The following PDE1C variants were observed in gnomAD, a reference collection of about 807,000 sequenced individuals.
PDE1C encodes the protein phosphodiesterase 1C.
Under a neutral mutation model 93.1 loss-of-function variants are expected in PDE1C, and 62 were observed. The ratio of observed to expected loss-of-function variants is 0.67; its 90% confidence interval spans 0.54 to 0.82. The LOEUF (loss-of-function observed/expected upper bound fraction) is 0.82, where lower values mean the gene tolerates loss of function less well. PDE1C is among the 40% of genes least tolerant of loss of function. PDE1C has a pLI of 0.00. For synonymous variants in PDE1C, 325 were observed against 310.1 expected, an observed-to-expected ratio of 1.05 and a Z score of -0.50; for missense variants, 742 against 884.6, an observed-to-expected ratio of 0.84 and a Z score of 2.04.
intron 2 of PDE1C, among the ~76,000 whole-genome samples, chr7:31,970,172 A>G (rs573864888): frequency 2.6e-5 from 4 of 152,316 alleles, no homozygotes; most frequent in Admixed American, 1.3e-4. Flanking sequence ...AAAAGAAAAA[A>G]GTGTCTAGAG....
intron 3 of PDE1C, among the ~76,000 whole-genome samples, chr7:32,090,013 A>G (rs1237333918): frequency 1.3e-5 from 2 of 152,104 alleles, no homozygotes; most frequent in Non-Finnish European, 2.9e-5. Context: ...TATTCCTTTT[A>G]TCTAGTTTTT....
At chr7:31,918,605 C>T (rs1802221996) in intron 2 of PDE1C, among the ~76,000 whole-genome samples, 2 of 152,210 alleles carry the variant, frequency 1.3e-5, no homozygotes, top group Admixed American at 6.5e-5. Flanking sequence ...ATGAGCTTCC[C>T]TCTTGCTGCA....
chr7:32,399,757 T>C (rs1784908091), intron 1 of PDE1C, among the ~76,000 whole-genome samples: 1 of 150,712 alleles, frequency 6.6e-6, no homozygotes, highest in East Asian at 1.9e-4. Flanking sequence ...TAATCTTTTG[T>C]ATTTTTAGTA....
Position 31,952,462 on chromosome 7 carries a change from C to T in PDE1C, c.129-71602G>A, listed in dbSNP as rs139958594. ...ACAGGATTTCACCATGTTGCCCAGG[C>T]TGGTCTCGAACTCCTGGCCTCAAGC... On this transcript the variant is annotated intron_variant, in intron 2 of 17. Transcript: ENST00000396191. Among the ~76,000 whole-genome samples, 1,204 of 152,218 alleles carry T rather than the reference C, an allele frequency of 7.9e-3. 9 individuals are homozygous for T. Among genetic ancestry groups the T allele is most frequent in the African/African-American group, 0.027 (1,139 of 41,524 alleles).
chr7:32,270,338 T>C (rs1810877565), intron 1 of PDE1C, among the ~76,000 whole-genome samples: 1 of 151,606 alleles, frequency 6.6e-6, no homozygotes, highest in Admixed American at 6.6e-5. Context: ...CTGGGTGATA[T>C]AAAAGGAAAA....
chr7:31,952,579 T>G (rs905150625), intron 2 of PDE1C, among the ~76,000 whole-genome samples: 1 of 152,098 alleles, frequency 6.6e-6, no homozygotes, highest in Non-Finnish European at 1.5e-5. Flanking sequence ...AAAACGTTAC[T>G]CTATGAGGAG....
upstream of PDE1C, chr7:32,071,491 C>A (rs537903882): frequency 2.3e-6 from 2 of 855,810 alleles, no homozygotes; most frequent in Non-Finnish European, 2.8e-6. Flanking sequence ...CCCTCCCTCC[C>A]TTTCACCCCC....
the PDE1C span, among the ~76,000 whole-genome samples, chr7:31,677,782 G>A: frequency 6.6e-6 from 1 of 152,024 alleles, no homozygotes; most frequent in African/African-American, 2.4e-5. Context: ...CTATCATATT[G>A]TATCAGAAAA....
At chr7:31,866,850 C>T (rs1795359882) in intron 6 of PDE1C, among the ~76,000 whole-genome samples, 1 of 152,048 alleles carries the variant, frequency 6.6e-6, no homozygotes, top group African/African-American at 2.4e-5. Flanking sequence ...ACCTTGGACT[C>T]CTGTATCCTA....
At chr7:32,200,839 T>C (rs1804956209) in intron 2 of PDE1C, among the ~76,000 whole-genome samples, 1 of 152,196 alleles carries the variant, frequency 6.6e-6, no homozygotes, top group Non-Finnish European at 1.5e-5. Context: ...CTTGTCAGCA[T>C]CACATTGCAA....
upstream of PDE1C, among the ~76,000 whole-genome samples, chr7:32,301,007 T>TA (rs148698951): frequency 0.083 from 12,430 of 149,736 alleles, 556 homozygotes; most frequent in Middle Eastern, 0.1. Context: ...CTGGCTGCTT[T>TA]AAAAAAAAAA....
intron 16 of PDE1C, chr7:31,789,683 G>A: frequency 1.0e-6 from 1 of 984,702 alleles, no homozygotes; most frequent in Non-Finnish European, 1.2e-6. Flanking sequence ...AAGTCTGAAA[G>A]GAAATTGGAG....
At chr7:31,652,427 A>C in the PDE1C span, 2 of 1,473,670 alleles carry the variant, frequency 1.4e-6, no homozygotes, top group Non-Finnish European at 1.8e-6. Flanking sequence ...AGAATCGACC[A>C]CCTCATAATG....
intron 17 of PDE1C, among the ~76,000 whole-genome samples, chr7:31,758,860 C>T (rs1350352603): frequency 6.6e-6 from 1 of 152,100 alleles, no homozygotes; most frequent in Non-Finnish European, 1.5e-5. Context: ...AATGTCTGAG[C>T]CAGCTGATTC....
intron 1 of PDE1C, among the ~76,000 whole-genome samples, chr7:32,322,398 T>C (rs902591869): frequency 6.6e-6 from 1 of 152,054 alleles, no homozygotes; most frequent in Admixed American, 6.5e-5. Flanking sequence ...GACCAGGAGT[T>C]TGAGACGAGC....
intron 1 of PDE1C, among the ~76,000 whole-genome samples, chr7:32,385,372 C>T (rs1784603236): frequency 1.3e-5 from 2 of 152,230 alleles, no homozygotes; most frequent in South Asian, 4.1e-4. Context: ...GCCAAAGAGG[C>T]TAAAGCTGCA....
chr7:31,770,597 C>T (rs770020025), intron 17 of PDE1C, among the ~76,000 whole-genome samples: 2 of 152,126 alleles, frequency 1.3e-5, no homozygotes, highest in African/African-American at 4.8e-5. Flanking sequence ...CTGCAACCTC[C>T]ACCTCCTTGG....
At chr7:31,879,855 A>G (rs1250020253) in intron 3 of PDE1C, among the ~76,000 whole-genome samples, 1 of 152,242 alleles carries the variant, frequency 6.6e-6, no homozygotes, top group African/African-American at 2.4e-5. Context: ...ATTTACAGTA[A>G]ACCCAACTAA....
the PDE1C span, among the ~76,000 whole-genome samples, chr7:31,683,719 C>CA: frequency 1.3e-5 from 2 of 152,180 alleles, no homozygotes; most frequent in Non-Finnish European, 2.9e-5. Context: ...CATCACTCAT[C>CA]AGCACAGAAA....
Sources: gnomAD v4.1 joint callset for allele counts (sites outside exome capture counted in the v4.1 genomes callset) on GRCh38, gnomAD v4.1.1 for gene constraint, MANE v1.5 for transcripts, NCBI Gene and HGNC (gene_info 2026-07-23, HGNC 2026-07-21) for gene names.